SYT2: variants seen among roughly 807,000 people sequenced by gnomAD.
The protein encoded by SYT2 is synaptotagmin 2.
SYT2 carries 15 observed loss-of-function variants against 39.9 expected under a neutral mutation model. That is an observed-to-expected ratio of 0.38 (90% CI 0.25 to 0.58). SYT2 has a LOEUF of 0.58. Ranked by LOEUF, SYT2 falls within the 20% of genes least tolerant of loss-of-function variation. SYT2 has a pLI of 0.70. For synonymous variants in SYT2, 181 were observed against 204.5 expected (o/e 0.89, Z 0.98); for missense variants, 389 against 530.3 (o/e 0.73, Z 2.62).
intron 1 of SYT2, among the ~76,000 whole-genome samples, chr1:202,608,417 C>T (rs1190724496): frequency 3.3e-5 from 5 of 151,906 alleles, no homozygotes; most frequent in Non-Finnish European, 1.5e-5. Context: ...GCTGGGATTA[C>T]AGGTGCATGC....
chr1:202,631,953 G>A (rs776872156), intron 1 of SYT2: 7 of 868,104 alleles, frequency 8.1e-6, no homozygotes, highest in Non-Finnish European at 9.7e-6. Flanking sequence ...GGCCTCATTC[G>A]CCAGGCCCTG....
At chr1:202,691,702 AGGGAGAGGGAGAGGGAGAGGGAGAGG>A (rs1171026911) in intron 1 of SYT2, among the ~76,000 whole-genome samples, 2 of 39,742 alleles carry the variant, frequency 5.0e-5, no homozygotes, top group Non-Finnish European at 1.2e-4. Context: ...GGAGAGGGAG[AGGGAGAGGGAGAGGGAGAGGGAGAGG>A]GGGGGAGAGA....
At chr1:202,634,097 A>G (rs1446002029) in intron 1 of SYT2, among the ~76,000 whole-genome samples, 1 of 152,236 alleles carries the variant, frequency 6.6e-6, no homozygotes, top group Non-Finnish European at 1.5e-5. Flanking sequence ...TGATGCCTCC[A>G]TTTCTTCACT....
intron 1 of SYT2, among the ~76,000 whole-genome samples, chr1:202,647,418 C>T (rs892171192): frequency 1.3e-5 from 2 of 152,148 alleles, no homozygotes; most frequent in African/African-American, 4.8e-5. Flanking sequence ...TCTCTCTGAG[C>T]GATCTAGGCC....
chr1:202,685,572 G>C (rs7512250), intron 1 of SYT2, among the ~76,000 whole-genome samples: 3 of 151,952 alleles, frequency 2.0e-5, no homozygotes, highest in African/African-American at 7.3e-5. Flanking sequence ...GTAATTCACC[G>C]CATCACCCCA....
intron 1 of SYT2, among the ~76,000 whole-genome samples, chr1:202,678,143 A>T (rs1018297154): frequency 6.6e-6 from 1 of 152,022 alleles, no homozygotes; most frequent in African/African-American, 2.4e-5. Context: ...GCGTGGTGGC[A>T]GGCATCTGTG....
intron 1 of SYT2, among the ~76,000 whole-genome samples, chr1:202,662,597 G>A (rs890289735): frequency 5.9e-5 from 9 of 152,162 alleles, no homozygotes; most frequent in Non-Finnish European, 1.3e-4. Context: ...AAGACCCTAT[G>A]TACTCCATCC....
At position 202,708,005 on chromosome 1, in the gene SYT2, C is replaced by T. The variant is rs1435270422; in HGVS notation, c.-18+2253G>A. On this transcript the variant is annotated intron_variant, in intron 1 of 8. Transcript: ENST00000367268. ...CAGCTGCAATGTGAGGGCAGGTGAG[C>T]CCAGACCCAGCTCCAGAAAGGGTCT... Among the ~76,000 whole-genome samples, 72 of 152,154 alleles carry T rather than the reference C, an allele frequency of 4.7e-4. 1 individual carries two copies. The highest frequency in any genetic ancestry group is 4.7e-3 in the Admixed American group (72 of 15,288).
intron 1 of SYT2, among the ~76,000 whole-genome samples, chr1:202,640,773 AG>A (rs1691889302): frequency 2.0e-5 from 3 of 150,678 alleles, no homozygotes; most frequent in East Asian, 1.9e-4. Flanking sequence ...AGAGAGAGAG[AG>A]AGAGAGAGAG....
At chr1:202,600,529 C>A in intron 6 of SYT2, 55 bp from the exon 7 acceptor site, 2 of 1,543,482 alleles carry the variant, frequency 1.3e-6, no homozygotes, top group South Asian at 2.2e-5. Flanking sequence ...GTGCCTCTCT[C>A]ATGGCTGACC....
chr1:202,605,793 G>A lies in SYT2; in HGVS notation c.-17-4C>T. On this transcript the variant is annotated splice_region_variant and splice_polypyrimidine_tract_variant and intron_variant, in intron 1 of 8. Coordinates refer to ENST00000367268, the MANE Select transcript of SYT2 (RefSeq NM_177402.5). ...CTCATGGTGGCAGAGGAAACAGCTGGGGACGAGAGGTGAAGAGGGCAGGGT... is the reference window on the plus strand; with the variant it reads ...CTCATGGTGGCAGAGGAAACAGCTGAGGACGAGAGGTGAAGAGGGCAGGGT... 1 of 1,612,186 alleles carries A rather than the reference G, an allele frequency of 6.2e-7. No individual in the cohort carries two copies. The highest frequency in any genetic ancestry group is 8.5e-7 in the Non-Finnish European group (1 of 1,178,570).
chr1:202,688,842 AG>A (rs1653740210), intron 1 of SYT2, among the ~76,000 whole-genome samples: 2 of 152,328 alleles, frequency 1.3e-5, no homozygotes, highest in South Asian at 4.1e-4. Flanking sequence ...TCATTCTTAA[AG>A]TAGAGATGTC....
intron 8 of SYT2, among the ~76,000 whole-genome samples, chr1:202,598,756 G>A (rs1314435519): frequency 1.3e-5 from 2 of 152,220 alleles, no homozygotes; most frequent in Non-Finnish European, 2.9e-5. Flanking sequence ...GAAAAATAGA[G>A]AAGGCTGGAA....
intron 1 of SYT2, among the ~76,000 whole-genome samples, chr1:202,697,891 T>G (rs1011238578): frequency 1.3e-5 from 2 of 152,196 alleles, no homozygotes; most frequent in South Asian, 4.1e-4. Context: ...CTAGGAAGAC[T>G]GCTCCAGTCT....
chr1:202,704,137 G>C (rs1185878289), intron 1 of SYT2, among the ~76,000 whole-genome samples: 1 of 152,204 alleles, frequency 6.6e-6, no homozygotes, highest in Non-Finnish European at 1.5e-5. Flanking sequence ...ATGGGAGGAA[G>C]TGAAGCAAGC....
intron 1 of SYT2, among the ~76,000 whole-genome samples, chr1:202,691,747 G>GAC: frequency 9.7e-6 from 1 of 103,120 alleles, no homozygotes; most frequent in African/African-American, 3.8e-5. Context: ...GAGAGAGAGA[G>GAC]AGAGAGAGAG....
intron 1 of SYT2, among the ~76,000 whole-genome samples, chr1:202,665,800 A>C (rs2149107450): frequency 6.6e-6 from 1 of 152,294 alleles, no homozygotes; most frequent in Non-Finnish European, 1.5e-5. Flanking sequence ...GTTGTTTATT[A>C]AATGGAGATT....
chr1:202,680,980 G>A (rs911428191), intron 1 of SYT2, among the ~76,000 whole-genome samples: 1 of 152,140 alleles, frequency 6.6e-6, no homozygotes, highest in Non-Finnish European at 1.5e-5. Context: ...GCTTCTACCT[G>A]AAGCCACCAT....
chr1:202,679,116 G>A (rs538124417), intron 1 of SYT2, among the ~76,000 whole-genome samples: 1 of 152,110 alleles, frequency 6.6e-6, no homozygotes, highest in Admixed American at 6.5e-5. Context: ...CCCTCCTACT[G>A]CTCCTTCCCT....
Sources: allele counts gnomAD v4.1 joint callset (sites outside exome capture counted in the v4.1 genomes callset), GRCh38; gene constraint gnomAD v4.1.1; transcripts MANE v1.5; gene names NCBI Gene and HGNC (gene_info 2026-07-23, HGNC 2026-07-21).